The following KRT72 variants were observed in gnomAD, a reference collection of about 807,000 sequenced individuals.
KRT72 encodes the protein keratin 72, also known as keratin, type II cytoskeletal 72.
In KRT72, 44 loss-of-function variants were observed where a neutral mutation model predicts 44.7. The ratio of observed to expected loss-of-function variants is 0.98; its 90% CI spans 0.77 to 1.27. KRT72 has a LOEUF of 1.27. Ranked by LOEUF, KRT72 falls within the 50% of genes most tolerant of loss-of-function variation. KRT72 has a pLI of 0.00. For synonymous variants in KRT72, 302 were observed against 280.4 expected, an observed-to-expected ratio of 1.08 and a Z score of -0.77; for missense variants, 736 against 667.1, an observed-to-expected ratio of 1.10 and a Z score of -1.14.
chr12:52,601,493 G>C, upstream of KRT72: 4 of 1,526,900 alleles, frequency 2.6e-6, no homozygotes, highest in African/African-American at 2.8e-5. Context: ...GAGGCAGAAG[G>C]GGCGCAAACA....
chr12:52,600,397 T>C (rs1940383095), intron 1 of KRT72, among the ~76,000 whole-genome samples: 2 of 152,166 alleles, frequency 1.3e-5, no homozygotes, highest in Admixed American at 6.5e-5. Context: ...CTTCTCACAG[T>C]CTTGTCTCAT....
Position 52,586,040 on chromosome 12 carries a change from T to C in KRT72, c.1478A>G (p.Lys493Arg). ...CCCCGAGGTTTTGGCAAGGGGATCC[T>C]TGAGCTCACTGCCACAGCTGCCTTT... is the stretch of plus-strand genomic sequence containing the variant. ...KTKGSCGSEL[K>R]DPLAKTSGSS... Residue 493 changes from lysine (K) to arginine (R), a missense_variant, in exon 9 of 9, where the codon AAG becomes AGG. Lys to Arg is a conservative substitution (Grantham distance 26). Coordinates refer to ENST00000293745, the MANE Select transcript of KRT72 (RefSeq NM_080747.3). 2 of 1,614,182 alleles carry C rather than the reference T, an allele frequency of 1.2e-6. No individual in the cohort carries two copies. The highest frequency in any genetic ancestry group is 1.7e-6 in the Non-Finnish European group (2 of 1,180,030).
intron 8 of KRT72, among the ~76,000 whole-genome samples, chr12:52,586,447 C>T (rs1235956571): frequency 2.6e-5 from 4 of 152,216 alleles, no homozygotes; most frequent in Non-Finnish European, 4.4e-5. Flanking sequence ...AGAGGCACTT[C>T]CCAGGGCCCA....
upstream of KRT72, chr12:52,601,638 C>T (rs1940469343): frequency 3.3e-6 from 2 of 605,244 alleles, no homozygotes; most frequent in South Asian, 2.1e-5. Context: ...ACCATGCACT[C>T]ACCGAGATTT....
rs1939996620 is a variant in KRT72 at position 52,591,065 on chromosome 12, C to T, written c.964-104G>A. ...GGATCCTGCCCTAGTTCAACAAGATCCTCAGGTTCTCAAACATGAGAGCCT... is the reference window on the plus strand; with the variant it reads ...GGATCCTGCCCTAGTTCAACAAGATTCTCAGGTTCTCAAACATGAGAGCCT... On this transcript the variant is annotated intron_variant, in intron 5 of 8. Transcript: ENST00000293745. 3.4e-6 allele frequency: 4 copies of T among 1,169,572 alleles called. No homozygotes were observed. The Admixed American group carries it at 1.0e-4, about 30-fold the overall frequency. 72.4% of individuals were successfully genotyped at this position (1,169,572 alleles called of 1,614,324 possible). A position where few individuals can be genotyped will look rare whatever the true frequency, so the allele number is the denominator to read the frequency against.
Position 52,598,895 on chromosome 12 carries a change from C to T in KRT72, c.641+3G>A. Reference sequence around the variant, plus strand: ...AGGGCCATATTCCCTGCCACTCACTCACCTCTTCTTGTAGTCCTCCACCAA... The same window carrying T: ...AGGGCCATATTCCCTGCCACTCACTTACCTCTTCTTGTAGTCCTCCACCAA... On this transcript the variant is annotated splice_donor_region_variant and intron_variant, in intron 2 of 8. Transcript: ENST00000293745. The T allele has an allele frequency of 6.2e-7, 1 of 1,613,854 alleles. No homozygotes were observed. The highest frequency in any genetic ancestry group is 8.5e-7 in the Non-Finnish European group (1 of 1,179,748).
Position 52,585,981 on chromosome 12 carries a change from A to C in KRT72, c.*1T>G, listed in dbSNP as rs1342002290. 5.0e-6 allele frequency: 8 copies of C among 1,611,508 alleles called. No individual in the cohort carries two copies. Among genetic ancestry groups the C allele is most frequent in the Non-Finnish European group, 6.8e-6 (8 of 1,178,416 alleles). ...TGCTCACAGAGCCAACCACTTGTCC[A>C]TCATCTGGAGGCCTTTTTGGTGGCA... On this transcript the variant is annotated 3_prime_UTR_variant, in exon 9 of 9. Transcript: ENST00000293745.
Position 52,585,701 on chromosome 12 carries a change from C to T in KRT72, c.*281G>A, listed in dbSNP as rs1216941064. ...CAAGAAAGGCATGGGGGCAGAGGGG[C>T]TTGTAGCTGGCCTTGGGGAAACATC... On this transcript the variant is annotated 3_prime_UTR_variant, in exon 9 of 9. Coordinates refer to ENST00000293745, the MANE Select transcript of KRT72 (RefSeq NM_080747.3). The T allele has an allele frequency of 5.3e-6, 2 of 375,672 alleles. No homozygotes were observed. The highest frequency in any genetic ancestry group is 9.7e-6 in the Non-Finnish European group (2 of 206,340). The allele number at this position is 375,672 out of a possible 1,614,324, so 23.3% of individuals were successfully genotyped here. A position where few individuals can be genotyped will look rare whatever the true frequency, so the allele number is the denominator to read the frequency against.
intron 6 of KRT72, among the ~76,000 whole-genome samples, chr12:52,589,199 C>T (rs899002225): frequency 5.3e-5 from 8 of 152,262 alleles, no homozygotes; most frequent in Non-Finnish European, 1.0e-4. Context: ...TGTGGAGCCA[C>T]ATTTGCTTCA....
intron 2 of KRT72, among the ~76,000 whole-genome samples, chr12:52,598,312 G>T (rs1392619357): frequency 6.6e-5 from 10 of 152,190 alleles, no homozygotes; most frequent in Admixed American, 6.5e-4. Flanking sequence ...AATTGTGGAA[G>T]AAGCCACCTG....
At chr12:52,596,373 GA>G (rs983984050) in intron 2 of KRT72, among the ~76,000 whole-genome samples, 3 of 151,966 alleles carry the variant, frequency 2.0e-5, no homozygotes, top group Non-Finnish European at 4.4e-5. Flanking sequence ...AAGCCACTTA[GA>G]AAAAAATCTG....
chr12:52,586,250 C>T, intron 8 of KRT72, 78 bp from the exon 9 acceptor site: 1 of 1,263,308 alleles, frequency 7.9e-7, no homozygotes, highest in South Asian at 1.4e-5. Flanking sequence ...CATCTCGGGC[C>T]ACCTCCTTTA....
intron 6 of KRT72, among the ~76,000 whole-genome samples, chr12:52,588,384 C>A (rs529330581): frequency 6.6e-6 from 1 of 152,304 alleles, no homozygotes; most frequent in South Asian, 2.1e-4. Flanking sequence ...TAGAAGATAC[C>A]TTTACTTAAC....
chr12:52,601,665 GA>G, upstream of KRT72: 1 of 580,114 alleles, frequency 1.7e-6, no homozygotes, highest in East Asian at 3.0e-5. Flanking sequence ...GTTCCACCGT[GA>G]ACTCCCCATG....
rs1164504382 is a variant in KRT72 at position 52,587,632 on chromosome 12, T to A, written c.1309A>T (p.Arg437Trp). 1.2e-6 allele frequency: 2 copies of A among 1,614,154 alleles called. No individual in the cohort carries two copies. The highest frequency in any genetic ancestry group is 8.5e-7 in the Non-Finnish European group (1 of 1,180,010). ...ACACAAGGGTATCCGGCCCCTCACC[T>A]GCACTCCTCGCTCTCCAGCAGCTTG... ...YRKLLESEEC[R>W]MSGEYPNSVS... The change falls in exon 7 of 9, where the codon AGG (arginine) becomes TGG (tryptophan). Residue 437 changes from arginine to tryptophan, a missense_variant and splice_region_variant. Coordinates refer to ENST00000293745, the MANE Select transcript of KRT72 (RefSeq NM_080747.3).
At chr12:52,595,942 G>GGATTTGAATTGTCAGCTGACA (rs150827133) in intron 2 of KRT72, among the ~76,000 whole-genome samples, 11,159 of 152,032 alleles carry the variant, frequency 0.073, 564 homozygotes, top group African/African-American at 0.14. Context: ...AAAAAAAGAA[G>GGATTTGAATTGTCAGCTGACA]GATTTGAATT....
In KRT72 at chr12:52,585,662, T is replaced by G; in HGVS notation, c.*320A>C. ...CAATCAGAAGATGAAGAGAGTCCCT[T>G]GGTAGTGAAGGCCCAAGAAAGGCAT... On this transcript the variant is annotated 3_prime_UTR_variant, in exon 9 of 9. Transcript: ENST00000293745. 3.7e-6 allele frequency: 1 copy of G among 267,920 alleles called. No homozygotes were observed. Among genetic ancestry groups the G allele is most frequent in the East Asian group, 7.8e-5 (1 of 12,860 alleles). The allele number at this position is 267,920 out of a possible 1,614,324, so 16.6% of individuals were successfully genotyped here.
chr12:52,601,536 A>C, upstream of KRT72: 2 of 1,395,806 alleles, frequency 1.4e-6, no homozygotes, highest in Admixed American at 2.3e-5. Flanking sequence ...TCGCCCCTTA[A>C]ATAGCCTGGC....
chr12:52,599,306 T>G, intron 1 of KRT72, 194 bp from the exon 2 acceptor site: 1 of 661,248 alleles, frequency 1.5e-6, no homozygotes, highest in Non-Finnish European at 2.8e-6. Flanking sequence ...ACCCGGTCTA[T>G]ATGGAATCAG....
Sources: gnomAD v4.1 joint callset for allele counts (sites outside exome capture counted in the v4.1 genomes callset) on GRCh38, gnomAD v4.1.1 for gene constraint, MANE v1.5 for transcripts, NCBI Gene and HGNC (gene_info 2026-07-23, HGNC 2026-07-21) for gene names.